Variants in NARS2 observed in about 807,000 individuals in gnomAD.
NARS2 encodes asparaginyl-tRNA synthetase 2, mitochondrial.
A neutral mutation model predicts 62.9 loss-of-function variants in NARS2; 60 were observed. The ratio of observed to expected loss-of-function variants is 0.95; its 90% confidence interval spans 0.77 to 1.18. The LOEUF (loss-of-function observed/expected upper bound fraction) is 1.18, where lower values mean the gene tolerates loss of function less well. Among genes scored for constraint, NARS2 ranks in the 50% most tolerant of loss-of-function variants. The probability of loss-of-function intolerance (pLI) is 0.00; values close to 1 mark genes in which losing one functional copy is unlikely to be tolerated. For synonymous variants in NARS2, 196 were observed against 200.0 expected (o/e 0.98, Z 0.17); for missense variants, 619 against 576.4 (o/e 1.07, Z -0.76).
At position 78,537,937 on chromosome 11, in the gene NARS2, C is replaced by T. The variant is rs574136571; in HGVS notation, c.595-9001G>A. On this transcript the variant is annotated intron_variant, in intron 5 of 13. Transcript: ENST00000281038. ...CAGTTTTACTTTTCATGGTTACAGTCGCCTATAGTCAACTGCAGTCTGGAA... is the reference window on the plus strand; with the variant it reads ...CAGTTTTACTTTTCATGGTTACAGTTGCCTATAGTCAACTGCAGTCTGGAA... Among the ~76,000 whole-genome samples the T allele has an allele frequency of 5.1e-4, 77 of 152,292 alleles. 1 individual carries two copies. The South Asian group carries it at 0.013, about 26-fold the overall frequency.
intron 6 of NARS2, among the ~76,000 whole-genome samples, chr11:78,521,747 G>A (rs1326938228): frequency 2.4e-5 from 3 of 123,400 alleles, no homozygotes; most frequent in South Asian, 5.3e-4. Flanking sequence ...CCGAGATCCC[G>A]CCACTGCACT....
chr11:78,541,736 A>G (rs115786862), intron 5 of NARS2, among the ~76,000 whole-genome samples: 1,640 of 152,212 alleles, frequency 0.011, 34 homozygotes, highest in African/African-American at 0.039. Context: ...CAAGCAATCA[A>G]TCATAGGAAC....
chr11:78,557,971 A>C (rs1415199742), intron 5 of NARS2, among the ~76,000 whole-genome samples: 1 of 151,922 alleles, frequency 6.6e-6, no homozygotes, highest in African/African-American at 2.4e-5. Context: ...TCTCTTTAAC[A>C]ATTCCTTTTT....
Position 78,493,162 on chromosome 11 carries a change from G to A in NARS2, c.723C>T (p.Thr241=), listed in dbSNP as rs746300644. Residue 241 remains threonine (T), a synonymous_variant, in exon 7 of 14, where the codon ACC becomes ACT. Coordinates refer to ENST00000281038, the MANE Select transcript of NARS2 (RefSeq NM_024678.6). ...GGCTCTGAGAATTTTCAGCTCGGAA[G>A]GTCGGACCAAAGGTAAACACTTGAG... ...AFTQVFTFGP[T]FRAENSQSRR... 3 of 1,613,900 alleles carry A rather than the reference G, an allele frequency of 1.9e-6. No homozygotes were observed. Among genetic ancestry groups the A allele is most frequent in the East Asian group, 2.2e-5 (1 of 44,880 alleles).
intron 6 of NARS2, among the ~76,000 whole-genome samples, chr11:78,519,914 C>T (rs1044443082): frequency 3.9e-5 from 6 of 152,050 alleles, no homozygotes; most frequent in African/African-American, 1.4e-4. Context: ...AGGATGGTCT[C>T]GATCTCCTGA....
In NARS2 at chr11:78,519,934, C is replaced by G. The variant is rs184493372; in HGVS notation, c.689+8908G>C. Among the ~76,000 whole-genome samples the G allele has an allele frequency of 4.5e-3, 681 of 152,216 alleles. 5 individuals are homozygous for G. The highest frequency in any genetic ancestry group is 0.016 in the African/African-American group (652 of 41,538). On this transcript the variant is annotated intron_variant, in intron 6 of 13. Coordinates refer to ENST00000281038, the MANE Select transcript of NARS2 (RefSeq NM_024678.6). ...GGTCTCGATCTCCTGACCTTGTGAT[C>G]CGCCTGTCTTGGCCTCCCAAAGTGC...
chr11:78,458,767 T>G (rs529350300), intron 11 of NARS2, among the ~76,000 whole-genome samples: 8 of 152,266 alleles, frequency 5.3e-5, no homozygotes, highest in African/African-American at 1.9e-4. Flanking sequence ...TTGATATGGT[T>G]TTGCTGGGTG....
At chr11:78,542,614 A>G (rs1352105331) in intron 5 of NARS2, among the ~76,000 whole-genome samples, 1 of 152,216 alleles carries the variant, frequency 6.6e-6, no homozygotes, top group Non-Finnish European at 1.5e-5. Context: ...CTTGACTACC[A>G]CTAAACACAG....
intron 3 of NARS2, 150 bp from the exon 4 acceptor site, chr11:78,566,422 T>G (rs183567409): frequency 1.6e-6 from 1 of 621,678 alleles, no homozygotes; most frequent in East Asian, 3.1e-5. Flanking sequence ...TAATCCACAT[T>G]ATTTCCACCA....
chr11:78,566,006 G>A (rs1856729835), intron 4 of NARS2, 126 bp downstream of exon 4: 4 of 730,706 alleles, frequency 5.5e-6, no homozygotes, highest in Non-Finnish European at 8.7e-6. Context: ...AACCCATAAT[G>A]AAGAGACCAA....
At chr11:78,538,542 A>C (rs140223294) in intron 5 of NARS2, among the ~76,000 whole-genome samples, 32 of 152,312 alleles carry the variant, frequency 2.1e-4, no homozygotes, top group African/African-American at 4.6e-4. Flanking sequence ...CAGAGACCTG[A>C]AAGATAAGAA....
At chr11:78,507,498 T>C (rs1044673521) in intron 6 of NARS2, among the ~76,000 whole-genome samples, 79 of 149,570 alleles carry the variant, frequency 5.3e-4, no homozygotes, top group Non-Finnish European at 9.2e-4. Flanking sequence ...TAGATACAGA[T>C]GCCCAGTTTT....
intron 2 of NARS2, among the ~76,000 whole-genome samples, chr11:78,571,021 G>T (rs1314728521): frequency 6.6e-6 from 1 of 152,124 alleles, no homozygotes; most frequent in Non-Finnish European, 1.5e-5. Context: ...GGCTGTATTG[G>T]GCAGAGGCAG....
At chr11:78,465,003 G>A (rs1591155234) in intron 11 of NARS2, among the ~76,000 whole-genome samples, 2 of 152,260 alleles carry the variant, frequency 1.3e-5, no homozygotes, top group East Asian at 3.8e-4. Flanking sequence ...CAATGGGACT[G>A]GGCGCCGTGG....
chr11:78,474,078 G>A (rs1056298794), intron 9 of NARS2, among the ~76,000 whole-genome samples: 2 of 152,220 alleles, frequency 1.3e-5, no homozygotes, highest in Non-Finnish European at 2.9e-5. Context: ...CTACTTTCTA[G>A]TGAATTCAAC....
intron 7 of NARS2, among the ~76,000 whole-genome samples, chr11:78,480,350 G>T (rs1442197629): frequency 6.6e-6 from 1 of 152,036 alleles, no homozygotes; most frequent in Non-Finnish European, 1.5e-5. Flanking sequence ...TGCCTCCTGG[G>T]TTCAAGCAAT....
At chr11:78,564,587 T>C (rs1856678092) in intron 4 of NARS2, among the ~76,000 whole-genome samples, 1 of 152,188 alleles carries the variant, frequency 6.6e-6, no homozygotes, top group Non-Finnish European at 1.5e-5. Context: ...TATAGTGTAG[T>C]CTACTTGTCA....
chr11:78,478,541 A>T (rs1405889807), intron 8 of NARS2, 44 bp downstream of exon 8: 2 of 1,361,872 alleles, frequency 1.5e-6, no homozygotes, highest in Non-Finnish European at 2.1e-6. Context: ...TAATTAACAC[A>T]TTAAACAGTA....
chr11:78,535,526 T>G (rs10899542), intron 5 of NARS2, among the ~76,000 whole-genome samples: 104,009 of 151,988 alleles, frequency 0.68, 37,389 homozygotes, highest in Non-Finnish European at 0.81. Context: ...TTGTCATTAT[T>G]GTGTTTTGAT....
Sources: allele counts gnomAD v4.1 joint callset (sites outside exome capture counted in the v4.1 genomes callset), GRCh38; gene constraint gnomAD v4.1.1; transcripts MANE v1.5; gene names NCBI Gene and HGNC (gene_info 2026-07-23, HGNC 2026-07-21).